Variants in FMNL2 observed in about 807,000 individuals in gnomAD.
FMNL2 encodes formin-like protein 2.
A neutral mutation model predicts 130.2 loss-of-function variants in FMNL2; 51 were observed. That is an observed-to-expected ratio of 0.39 (90% CI 0.31 to 0.49). The LOEUF (loss-of-function observed/expected upper bound fraction) is 0.49, where lower values mean the gene tolerates loss of function less well. Ranked by LOEUF, FMNL2 falls within the 20% of genes least tolerant of loss-of-function variation. FMNL2 has a pLI of 0.85. For synonymous variants in FMNL2, 465 were observed against 467.1 expected (o/e 1.00, Z 0.06); for missense variants, 977 against 1,316.2 (o/e 0.74, Z 3.99).
chr2:152,353,893 A>T (rs189331658), intron 1 of FMNL2, among the ~76,000 whole-genome samples: 1 of 19,974 alleles, frequency 5.0e-5, no homozygotes, highest in African/African-American at 1.2e-4. Context: ...GTGAAGAACA[A>T]GTGAAGCAGG....
chr2:152,533,424 A>G (rs957781420), intron 2 of FMNL2, among the ~76,000 whole-genome samples: 1 of 152,038 alleles, frequency 6.6e-6, no homozygotes. Context: ...CCAATTGGCC[A>G]TAAACGTGTG....
At chr2:152,542,054 C>T (rs1361922862) in intron 2 of FMNL2, among the ~76,000 whole-genome samples, 1 of 152,160 alleles carries the variant, frequency 6.6e-6, no homozygotes, top group African/African-American at 2.4e-5. Context: ...TCTTGGGCCC[C>T]ACCTCTGACC....
chr2:152,617,288 A>C (rs1454898800), intron 13 of FMNL2, 96 bp downstream of exon 13: 2 of 1,012,582 alleles, frequency 2.0e-6, no homozygotes, highest in Non-Finnish European at 3.0e-6. Context: ...TTTCAGAGGA[A>C]TGCATTGATG....
At chr2:152,436,205 A>T (rs1687753829) in intron 1 of FMNL2, among the ~76,000 whole-genome samples, 1 of 151,150 alleles carries the variant, frequency 6.6e-6, no homozygotes, top group African/African-American at 2.4e-5. Context: ...TGGCTTTATC[A>T]CCCAGGCTGG....
At chr2:152,403,634 T>G (rs949599403) in intron 1 of FMNL2, among the ~76,000 whole-genome samples, 3 of 152,212 alleles carry the variant, frequency 2.0e-5, no homozygotes, top group Non-Finnish European at 4.4e-5. Flanking sequence ...TGTAATGCTT[T>G]CTGCCTGGTG....
chr2:152,438,113 G>A (rs1477910096), intron 1 of FMNL2, among the ~76,000 whole-genome samples: 2 of 152,186 alleles, frequency 1.3e-5, no homozygotes, highest in African/African-American at 2.4e-5. Flanking sequence ...GTTAGCATTT[G>A]ACATGTGAAG....
intron 9 of FMNL2, among the ~76,000 whole-genome samples, chr2:152,590,740 G>A (rs969623551): frequency 3.3e-5 from 5 of 151,940 alleles, no homozygotes; most frequent in Admixed American, 6.6e-5. Context: ...CAGTGTGTAT[G>A]CATGTTTGTC....
intron 9 of FMNL2, among the ~76,000 whole-genome samples, chr2:152,596,270 T>C (rs1011292860): frequency 3.3e-5 from 5 of 152,140 alleles, no homozygotes; most frequent in African/African-American, 9.7e-5. Flanking sequence ...GCTGTCTTTT[T>C]TTTCTACCTT....
intron 4 of FMNL2, among the ~76,000 whole-genome samples, chr2:152,552,098 G>T (rs1694968300): frequency 6.6e-6 from 1 of 152,072 alleles, no homozygotes; most frequent in Non-Finnish European, 1.5e-5. Context: ...CACTTACTAT[G>T]TGACCCAAGT....
chr2:152,630,425 C>T (rs1682081363), intron 20 of FMNL2, among the ~76,000 whole-genome samples: 1 of 152,156 alleles, frequency 6.6e-6, no homozygotes, highest in South Asian at 2.1e-4. Context: ...TTTCAAACTG[C>T]TTTTTGTAAG....
chr2:152,405,891 A>G (rs561284796), intron 1 of FMNL2, among the ~76,000 whole-genome samples: 2 of 152,368 alleles, frequency 1.3e-5, no homozygotes, highest in Admixed American at 6.5e-5. Flanking sequence ...TTAAAACTAC[A>G]TATATTATAA....
At chr2:152,356,343 C>T (rs1243352321) in intron 1 of FMNL2, among the ~76,000 whole-genome samples, 4 of 152,126 alleles carry the variant, frequency 2.6e-5, no homozygotes, top group Non-Finnish European at 2.9e-5. Context: ...AGGCTGGTCT[C>T]GAACTCCTGA....
At chr2:152,400,482 A>G (rs575115555) in intron 1 of FMNL2, among the ~76,000 whole-genome samples, 79 of 152,248 alleles carry the variant, frequency 5.2e-4, no homozygotes, top group Middle Eastern at 3.4e-3. Context: ...TCTTTTAGAG[A>G]TTCAAGGGAA....
chr2:152,489,935 C>A (rs1177130699), intron 1 of FMNL2, among the ~76,000 whole-genome samples: 1 of 152,026 alleles, frequency 6.6e-6, no homozygotes, highest in Non-Finnish European at 1.5e-5. Flanking sequence ...AAACTGTTGC[C>A]ACTAGGGGAT....
intron 1 of FMNL2, among the ~76,000 whole-genome samples, chr2:152,483,309 T>C (rs2068886): frequency 0.31 from 47,810 of 151,868 alleles, 7,829 homozygotes; most frequent in East Asian, 0.58. Flanking sequence ...AGGAATGTGC[T>C]GAAACAGTAG....
Position 152,340,458 on chromosome 2 carries a change from G to T in FMNL2, c.117+4738G>T, listed in dbSNP as rs552172718. Among the ~76,000 whole-genome samples the T allele has an allele frequency of 5.9e-5, 9 of 152,346 alleles. No homozygotes were observed. In the East Asian group the frequency reaches 9.7e-4, roughly 16 times the overall value. On this transcript the variant is annotated intron_variant, in intron 1 of 25. Coordinates refer to ENST00000288670, the MANE Select transcript of FMNL2 (RefSeq NM_052905.4). Reference sequence around the variant, plus strand: ...GTGCATTTGAAGTTTCTTCTCTTTAGATGTCAAGCCTTTTGGCATCTTCAC... The same window carrying T: ...GTGCATTTGAAGTTTCTTCTCTTTATATGTCAAGCCTTTTGGCATCTTCAC...
At chr2:152,499,516 AAATC>A (rs141114400) in intron 1 of FMNL2, among the ~76,000 whole-genome samples, 3,703 of 152,320 alleles carry the variant, frequency 0.024, 156 homozygotes, top group African/African-American at 0.085. Context: ...CCTAAAATCT[AAATC>A]AAAGAAATGA....
intron 1 of FMNL2, among the ~76,000 whole-genome samples, chr2:152,351,636 A>G (rs573617815): frequency 3.3e-5 from 5 of 152,262 alleles, no homozygotes; most frequent in African/African-American, 9.6e-5. Context: ...AGTCTTTGCT[A>G]TTGTAAATAG....
intron 1 of FMNL2, among the ~76,000 whole-genome samples, chr2:152,393,099 G>A (rs554781528): frequency 6.6e-6 from 1 of 152,214 alleles, no homozygotes; most frequent in South Asian, 2.1e-4. Context: ...CCTCATCTTT[G>A]TAAATAGTCC....
Sources: allele counts gnomAD v4.1 joint callset (sites outside exome capture counted in the v4.1 genomes callset), GRCh38; gene constraint gnomAD v4.1.1; transcripts MANE v1.5; gene names NCBI Gene and HGNC (gene_info 2026-07-23, HGNC 2026-07-21).